GPR39: variants seen among roughly 807,000 people sequenced by gnomAD.
GPR39 encodes the protein zinc sensing receptor.
Under a neutral mutation model 18.4 loss-of-function variants are expected in GPR39, and 23 were observed. That is an observed-to-expected ratio of 1.25 (90% CI 0.90 to 1.77). The LOEUF (loss-of-function observed/expected upper bound fraction) is 1.77. Among genes scored for constraint, GPR39 ranks in the 40% most tolerant of loss-of-function variants. The pLI, the probability that GPR39 is intolerant of heterozygous loss-of-function variation, is 0.00. For missense variants in GPR39, 647 were observed against 602.4 expected, an observed-to-expected ratio of 1.07 and a Z score of -0.78; for synonymous variants, 280 against 257.9, an observed-to-expected ratio of 1.09 and a Z score of -0.82.
chr2:132,474,184 C>T (rs377429733), intron 1 of GPR39, among the ~76,000 whole-genome samples: 1 of 152,158 alleles, frequency 6.6e-6, no homozygotes, highest in Admixed American at 6.5e-5. Context: ...TTCTCAAAGG[C>T]GAAGTTACCC....
intron 1 of GPR39, among the ~76,000 whole-genome samples, chr2:132,615,936 CTTTTTTTTTT>C (rs35978559): frequency 1.5e-5 from 2 of 134,144 alleles, no homozygotes; most frequent in Admixed American, 7.5e-5. Context: ...CATTCCAGCT[CTTTTTTTTTT>C]TTTTTTTTGG....
At chr2:132,574,686 G>C (rs1680500419) in intron 1 of GPR39, among the ~76,000 whole-genome samples, 1 of 152,210 alleles carries the variant, frequency 6.6e-6, no homozygotes, top group Non-Finnish European at 1.5e-5. Flanking sequence ...AGCGAGCCAA[G>C]ATCTTGCCAC....
At chr2:132,454,342 A>T (rs979753588) in intron 1 of GPR39, among the ~76,000 whole-genome samples, 2 of 152,162 alleles carry the variant, frequency 1.3e-5, no homozygotes, top group African/African-American at 4.8e-5. Flanking sequence ...GTATCCTGAG[A>T]CTTTGCTTAA....
chr2:132,620,197 A>G (rs1000054641), intron 1 of GPR39, among the ~76,000 whole-genome samples: 8 of 152,078 alleles, frequency 5.3e-5, no homozygotes, highest in Non-Finnish European at 1.0e-4. Context: ...TTTTTTTTAC[A>G]TGAAAGTTGA....
At chr2:132,442,345 G>T (rs1032062230) in intron 1 of GPR39, among the ~76,000 whole-genome samples, 1 of 152,164 alleles carries the variant, frequency 6.6e-6, no homozygotes, top group Non-Finnish European at 1.5e-5. Flanking sequence ...CAAATTTGCT[G>T]CCTGCCTTAG....
intron 1 of GPR39, among the ~76,000 whole-genome samples, chr2:132,452,725 GTGTT>G (rs1680652592): frequency 6.6e-6 from 1 of 151,930 alleles, no homozygotes; most frequent in Non-Finnish European, 1.5e-5. Context: ...AGAACATGCG[GTGTT>G]TGTTTTTCTG....
At chr2:132,420,259 G>C (rs1274378381) in intron 1 of GPR39, among the ~76,000 whole-genome samples, 1 of 152,176 alleles carries the variant, frequency 6.6e-6, no homozygotes, top group Non-Finnish European at 1.5e-5. Flanking sequence ...TCTGCGGTAG[G>C]TTTTCAAAGC....
chr2:132,644,809 T>C, intron 1 of GPR39: 1 of 368,268 alleles, frequency 2.7e-6, no homozygotes, highest in South Asian at 5.7e-5. Context: ...CAAACACCAA[T>C]GAAAACATTT....
At chr2:132,580,584 T>C (rs542557322) in intron 1 of GPR39, among the ~76,000 whole-genome samples, 69 of 152,354 alleles carry the variant, frequency 4.5e-4, no homozygotes, top group South Asian at 1.2e-3. Context: ...GGTTCCACCA[T>C]ATCCCAAGCC....
chr2:132,518,146 C>T (rs1679365835), intron 1 of GPR39, among the ~76,000 whole-genome samples: 2 of 152,110 alleles, frequency 1.3e-5, no homozygotes, highest in Admixed American at 6.5e-5. Flanking sequence ...ATGTTATGAC[C>T]TAGCACATGA....
At chr2:132,513,908 T>C (rs1679284600) in intron 1 of GPR39, among the ~76,000 whole-genome samples, 1 of 152,144 alleles carries the variant, frequency 6.6e-6, no homozygotes, top group African/African-American at 2.4e-5. Context: ...AGGGGTGGGT[T>C]TTTGCCATAT....
intron 1 of GPR39, among the ~76,000 whole-genome samples, chr2:132,470,196 T>C (rs1681004586): frequency 6.6e-6 from 1 of 152,206 alleles, no homozygotes; most frequent in Admixed American, 6.5e-5. Context: ...CCCCATAACA[T>C]CCTTCCAGTT....
chr2:132,597,578 C>T (rs962122258), intron 1 of GPR39, among the ~76,000 whole-genome samples: 6 of 152,194 alleles, frequency 3.9e-5, no homozygotes, highest in African/African-American at 1.4e-4. Flanking sequence ...GATCCAGAAG[C>T]ACTCTTGGAA....
At chr2:132,610,424 A>C (rs753780701) in intron 1 of GPR39, among the ~76,000 whole-genome samples, 2 of 152,318 alleles carry the variant, frequency 1.3e-5, no homozygotes, top group Admixed American at 1.3e-4. Context: ...CCACTCATGT[A>C]ACATCCAAAG....
At chr2:132,547,305 C>G (rs142609167) in intron 1 of GPR39, among the ~76,000 whole-genome samples, 3 of 152,104 alleles carry the variant, frequency 2.0e-5, no homozygotes, top group Non-Finnish European at 4.4e-5. Context: ...CAGCAATGCA[C>G]GTACATTAAT....
intron 1 of GPR39, among the ~76,000 whole-genome samples, chr2:132,453,888 G>A (rs929091075): frequency 9.2e-5 from 14 of 152,142 alleles, no homozygotes; most frequent in Admixed American, 4.6e-4. Flanking sequence ...CTGTAGCCTC[G>A]TAGTATAGTT....
intron 1 of GPR39, among the ~76,000 whole-genome samples, chr2:132,544,640 G>A (rs1033399724): frequency 6.6e-6 from 1 of 152,232 alleles, no homozygotes; most frequent in African/African-American, 2.4e-5. Context: ...ACTTACCATG[G>A]GATCTGCACT....
chr2:132,546,224 T>C (rs1320234695), intron 1 of GPR39, among the ~76,000 whole-genome samples: 1 of 152,204 alleles, frequency 6.6e-6, no homozygotes, highest in South Asian at 2.1e-4. Context: ...AGATTACGGG[T>C]CCCCACTCTA....
At chr2:132,608,859 C>T (rs986414882) in intron 1 of GPR39, among the ~76,000 whole-genome samples, 2 of 152,262 alleles carry the variant, frequency 1.3e-5, no homozygotes, top group South Asian at 2.1e-4. Context: ...ATTTTCCTGG[C>T]ATGTGGTCGC....
Sources: allele counts gnomAD v4.1 joint callset (sites outside exome capture counted in the v4.1 genomes callset), GRCh38; gene constraint gnomAD v4.1.1; transcripts MANE v1.5; gene names NCBI Gene and HGNC (gene_info 2026-07-23, HGNC 2026-07-21).